Variants in WNK3 observed in about 807,000 individuals in gnomAD.
WNK3 encodes serine/threonine-protein kinase WNK3.
In WNK3, 18 loss-of-function variants were observed where a neutral mutation model predicts 116.7. The ratio of observed to expected loss-of-function variants is 0.15; its 90% CI spans 0.11 to 0.23. The LOEUF is 0.23. WNK3 is among the 10% of genes least tolerant of loss of function. The probability of loss-of-function intolerance (pLI) is 1.00; values close to 1 mark genes in which losing one functional copy is unlikely to be tolerated. For synonymous variants in WNK3, 404 were observed against 469.4 expected, an observed-to-expected ratio of 0.86 and a Z score of 1.80; for missense variants, 993 against 1,323.8, an observed-to-expected ratio of 0.75 and a Z score of 3.88.
intron 11 of WNK3, 92 bp downstream of exon 11, chrX:54,259,182 C>A: frequency 2.5e-6 from 1 of 396,177 alleles, no homozygotes; most frequent in Non-Finnish European, 4.1e-6. Flanking sequence ...AATACAGAAG[C>A]TTCTCTAGTC....
intron 2 of WNK3, among the ~76,000 whole-genome samples, chrX:54,330,539 G>A (rs1358147571): frequency 1.8e-5 from 2 of 111,013 alleles, no homozygotes; most frequent in African/African-American, 6.5e-5. Flanking sequence ...CCTAGATGAC[G>A]GCGTGAGATT....
chrX:54,297,208 T>C (rs1405600157), intron 7 of WNK3, among the ~76,000 whole-genome samples: 2 of 111,304 alleles, frequency 1.8e-5, no homozygotes, highest in African/African-American at 6.5e-5. Context: ...ATGCTTGCCA[T>C]TCAGTTTTCA....
At chrX:54,294,937 GC>G in intron 7 of WNK3, 90 bp from the exon 8 acceptor site, 1 of 823,088 alleles carries the variant, frequency 1.2e-6, no homozygotes, top group Non-Finnish European at 1.6e-6. Flanking sequence ...TAGCTCTGTC[GC>G]CCAGGCTGGA....
At chrX:54,342,431 T>C (rs1569539408) in intron 1 of WNK3, among the ~76,000 whole-genome samples, 1 of 108,477 alleles carries the variant, frequency 9.2e-6, no homozygotes, top group African/African-American at 3.4e-5. Flanking sequence ...CTGGGCGTGG[T>C]GGCGGGCACC....
intron 2 of WNK3, among the ~76,000 whole-genome samples, chrX:54,320,555 CTG>C (rs1557171990): frequency 8.9e-6 from 1 of 112,050 alleles, no homozygotes; most frequent in African/African-American, 3.2e-5. Context: ...GGGTCTCACT[CTG>C]TGTTGCCCAG....
chrX:54,228,955 A>T (rs1270623825), intron 21 of WNK3, among the ~76,000 whole-genome samples: 2 of 111,560 alleles, frequency 1.8e-5, no homozygotes, highest in East Asian at 5.6e-4. Context: ...TAGCTAGTAC[A>T]ATAGTAAGAA....
chrX:54,261,673 T>C (rs781884576), intron 10 of WNK3, among the ~76,000 whole-genome samples: 17 of 112,138 alleles, frequency 1.5e-4, no homozygotes, highest in Non-Finnish European at 1.9e-4. Flanking sequence ...ATAATGTATG[T>C]ACTCTTTTAT....
At chrX:54,268,368 A>T (rs1327851945) in intron 10 of WNK3, among the ~76,000 whole-genome samples, 23 of 111,457 alleles carry the variant, frequency 2.1e-4, no homozygotes, top group African/African-American at 6.2e-4. Context: ...ACATGCATAT[A>T]GTCCCAGCTA....
rs1270843997 is a variant in WNK3, at chrX:54,355,330, A to T, written c.-120+2356T>A. Among the ~76,000 whole-genome samples the T allele has an allele frequency of 2.7e-5, 3 of 111,595 alleles. No homozygotes were observed. The Admixed American group carries it at 2.9e-4, about 11-fold the overall frequency. On this transcript the variant is annotated intron_variant, in intron 1 of 23. Transcript: ENST00000354646. ...GTCAGAACTCCGGGGTTCACCACTT[A>T]CTAGGGCATGTCTTGTTTTTCTGGG...
chrX:54,265,757 G>A (rs782820735), intron 10 of WNK3, among the ~76,000 whole-genome samples: 54 of 112,938 alleles, frequency 4.8e-4, no homozygotes, highest in Non-Finnish European at 9.9e-4. Flanking sequence ...TTATTCAAGA[G>A]ATGAGGCTGG....
chrX:54,286,801 T>C (rs947564933), intron 10 of WNK3, among the ~76,000 whole-genome samples: 3 of 107,847 alleles, frequency 2.8e-5, no homozygotes, highest in Non-Finnish European at 5.7e-5. Context: ...TAATCCCAGC[T>C]ACTCAGGAGG....
At chrX:54,287,044 T>C (rs1410995235) in intron 10 of WNK3, among the ~76,000 whole-genome samples, 4 of 111,312 alleles carry the variant, frequency 3.6e-5, no homozygotes, top group Non-Finnish European at 7.5e-5. Flanking sequence ...TGATTGAATA[T>C]GCTGGGTTCA....
intron 23 of WNK3, 123 bp from the exon 24 acceptor site, chrX:54,198,776 C>CT (rs782687606): frequency 1.8e-6 from 1 of 547,325 alleles, no homozygotes; most frequent in Admixed American, 4.6e-5. Flanking sequence ...CCTTCCTAGT[C>CT]TTTTTGGCAT....
chrX:54,322,010 G>A (rs112692691), intron 2 of WNK3, among the ~76,000 whole-genome samples: 3,168 of 106,558 alleles, frequency 0.03, 54 homozygotes, highest in Non-Finnish European at 0.05. Context: ...AAAGAAAAAA[G>A]AAAAGTGCTC....
intron 11 of WNK3, 108 bp downstream of exon 11, chrX:54,259,166 T>C (rs1006867563): frequency 1.8e-5 from 6 of 333,092 alleles, no homozygotes; most frequent in African/African-American, 1.7e-4. Flanking sequence ...TCCACACAAG[T>C]ACAAGAATAC....
chrX:54,305,105 C>T (rs1385292531), intron 5 of WNK3, among the ~76,000 whole-genome samples: 3 of 110,526 alleles, frequency 2.7e-5, no homozygotes, highest in South Asian at 3.8e-4. Flanking sequence ...GAGCTGAGAT[C>T]GTACCACTGC....
upstream of WNK3, among the ~76,000 whole-genome samples, chrX:54,358,211 C>T (rs781905195): frequency 3.9e-3 from 430 of 111,359 alleles, 3 homozygotes; most frequent in African/African-American, 0.014. Flanking sequence ...CCCCTCGGCG[C>T]CGCGGGAGAG....
chrX:54,237,659 C>A, intron 19 of WNK3, 108 bp from the exon 20 acceptor site: 1 of 762,631 alleles, frequency 1.3e-6, no homozygotes, highest in Non-Finnish European at 1.8e-6. Flanking sequence ...AATCTATACC[C>A]CCAAATTCAC....
exon 17 of WNK3, chrX:54,249,041 G>T: frequency 8.3e-7 from 1 of 1,211,984 alleles, no homozygotes; most frequent in African/African-American, 1.7e-5. Context: ...GCAAACTCCA[G>T]TTTTGGAGGT....
Sources: allele counts gnomAD v4.1 joint callset (sites outside exome capture counted in the v4.1 genomes callset), GRCh38; gene constraint gnomAD v4.1.1; transcripts MANE v1.5; gene names NCBI Gene and HGNC (gene_info 2026-07-23, HGNC 2026-07-21).